The following CCNY variants were observed in gnomAD, a reference collection of about 807,000 sequenced individuals.
CCNY encodes the protein cyclin Y, also known as cyclin-Y.
A neutral mutation model predicts 42.8 loss-of-function variants in CCNY; 19 were observed. That is an observed-to-expected ratio of 0.44 (90% confidence interval 0.31 to 0.65). The LOEUF (loss-of-function observed/expected upper bound fraction) is 0.65. Among genes scored for constraint, CCNY ranks in the 30% least tolerant of loss-of-function variants. The probability of loss-of-function intolerance (pLI) is 0.07; values close to 1 mark genes in which losing one functional copy is unlikely to be tolerated. For synonymous variants in CCNY, 165 were observed against 162.7 expected, an observed-to-expected ratio of 1.01 and a Z score of -0.11; for missense variants, 370 against 437.3, an observed-to-expected ratio of 0.85 and a Z score of 1.37.
intron 3 of CCNY, among the ~76,000 whole-genome samples, chr10:35,330,847 C>A (rs1835935513): frequency 6.6e-6 from 1 of 151,938 alleles, no homozygotes; most frequent in South Asian, 2.1e-4. Context: ...ACCTCCACCT[C>A]CTGGGTTCAA....
chr10:35,452,770 T>TAAAAAAAAA (rs35849411), intron 1 of CCNY, among the ~76,000 whole-genome samples: 2 of 115,902 alleles, frequency 1.7e-5, no homozygotes, highest in African/African-American at 3.1e-5. Flanking sequence ...TATAGAAAAG[T>TAAAAAAAAA]AAAAAAAAAA....
chr10:35,416,622 A>T (rs574808320), intron 1 of CCNY, among the ~76,000 whole-genome samples: 18 of 152,256 alleles, frequency 1.2e-4, no homozygotes, highest in African/African-American at 3.9e-4. Flanking sequence ...AGAACAAAAG[A>T]TTTCCTGTTG....
At chr10:35,544,203 C>A (rs1403794367) in intron 7 of CCNY, among the ~76,000 whole-genome samples, 1 of 152,200 alleles carries the variant, frequency 6.6e-6, no homozygotes. Flanking sequence ...TCACTCACCA[C>A]TCACTCACTT....
chr10:35,340,488 T>C (rs1441533848), intron 1 of CCNY, among the ~76,000 whole-genome samples: 1 of 151,798 alleles, frequency 6.6e-6, no homozygotes, highest in African/African-American at 2.4e-5. Flanking sequence ...TTAAAATGGT[T>C]GATGGCAACT....
chr10:35,332,687 C>T (rs969473669), upstream of CCNY, among the ~76,000 whole-genome samples: 8 of 152,286 alleles, frequency 5.3e-5, no homozygotes, highest in South Asian at 1.7e-3. Flanking sequence ...TCACTGCAAC[C>T]TCCACCTCCC....
At chr10:35,427,557 T>G (rs1838297127) in intron 1 of CCNY, among the ~76,000 whole-genome samples, 1 of 152,246 alleles carries the variant, frequency 6.6e-6, no homozygotes, top group African/African-American at 2.4e-5. Flanking sequence ...ATGTGACACC[T>G]AAGTGCTCCA....
intron 3 of CCNY, among the ~76,000 whole-genome samples, chr10:35,254,575 G>A (rs1051743784): frequency 6.6e-6 from 1 of 152,164 alleles, no homozygotes; most frequent in East Asian, 1.9e-4. Flanking sequence ...ACTCATGCCT[G>A]TAGTCTCAGC....
Position 35,377,454 on chromosome 10 carries a change from A to G in CCNY, c.154+40247A>G, listed in dbSNP as rs187150739. Among the ~76,000 whole-genome samples the G allele has an allele frequency of 2.5e-3, 385 of 152,348 alleles. 4 individuals carry two copies. The Middle Eastern group carries it at 0.031, about 12-fold the overall frequency. The stretch of plus-strand genomic sequence containing the variant: ...AACATGTTGTACAGATTTGTAGCCT[A>G]TGAACAACCGGCTGTCCTATATAAC... On this transcript the variant is annotated intron_variant, in intron 1 of 9. Coordinates refer to ENST00000374704, the MANE Select transcript of CCNY (RefSeq NM_145012.6).
At chr10:35,510,547 TAACA>T (rs929609211) in intron 3 of CCNY, among the ~76,000 whole-genome samples, 1 of 152,180 alleles carries the variant, frequency 6.6e-6, no homozygotes, top group Non-Finnish European at 1.5e-5. Flanking sequence ...TTTTTGATCC[TAACA>T]AACCTTTCTA....
At chr10:35,485,666 A>C (rs966408689) in intron 2 of CCNY, among the ~76,000 whole-genome samples, 5 of 148,360 alleles carry the variant, frequency 3.4e-5, no homozygotes, top group African/African-American at 7.5e-5. Context: ...TGGAGCTTGC[A>C]GTGAGCCGAG....
intron 1 of CCNY, among the ~76,000 whole-genome samples, chr10:35,450,718 T>C (rs1324196489): frequency 6.6e-6 from 1 of 152,158 alleles, no homozygotes; most frequent in Non-Finnish European, 1.5e-5. Flanking sequence ...TCTTTCTCTT[T>C]TACCTTTTGT....
intron 4 of CCNY, among the ~76,000 whole-genome samples, chr10:35,521,460 C>G (rs538342410): frequency 5.6e-4 from 85 of 152,308 alleles, no homozygotes; most frequent in African/African-American, 2.0e-3. Flanking sequence ...GTTAATTGAT[C>G]TGGTTAGCCA....
At chr10:35,370,353 G>A (rs1334383917) in intron 1 of CCNY, among the ~76,000 whole-genome samples, 5 of 151,700 alleles carry the variant, frequency 3.3e-5, no homozygotes, top group African/African-American at 9.7e-5. Context: ...GGGTTTCACC[G>A]TGTTAGCCAG....
chr10:35,494,236 C>CA (rs1554794882), intron 2 of CCNY, among the ~76,000 whole-genome samples: 6 of 131,162 alleles, frequency 4.6e-5, no homozygotes, highest in African/African-American at 9.3e-5. Context: ...ATAGTGAGAC[C>CA]CCCCCCCCCA....
At chr10:35,514,587 C>T (rs1840391416) in intron 3 of CCNY, among the ~76,000 whole-genome samples, 1 of 152,200 alleles carries the variant, frequency 6.6e-6, no homozygotes, top group Non-Finnish European at 1.5e-5. Flanking sequence ...TCCCATGACC[C>T]CGTGCATCAC....
At chr10:35,393,540 A>G (rs534250981) in intron 1 of CCNY, among the ~76,000 whole-genome samples, 1 of 152,302 alleles carries the variant, frequency 6.6e-6, no homozygotes. Context: ...CTTTGCGTGA[A>G]GGCTGGTGTT....
chr10:35,474,523 T>C (rs1303700760), intron 1 of CCNY, among the ~76,000 whole-genome samples: 2 of 152,036 alleles, frequency 1.3e-5, no homozygotes, highest in African/African-American at 2.4e-5. Flanking sequence ...GGAGGCACCC[T>C]CCAGCAGGGG....
intron 3 of CCNY, among the ~76,000 whole-genome samples, chr10:35,509,248 T>C (rs1840273358): frequency 6.6e-6 from 1 of 152,176 alleles, no homozygotes; most frequent in Non-Finnish European, 1.5e-5. Context: ...CTGTAAATAA[T>C]TGATCCTGCT....
chr10:35,428,884 C>T (rs1460288363), intron 1 of CCNY, among the ~76,000 whole-genome samples: 2 of 152,104 alleles, frequency 1.3e-5, no homozygotes, highest in Non-Finnish European at 2.9e-5. Context: ...GGGAAAGTAC[C>T]CTGAACCCAC....
Sources: gnomAD v4.1 joint callset for allele counts (sites outside exome capture counted in the v4.1 genomes callset) on GRCh38, gnomAD v4.1.1 for gene constraint, MANE v1.5 for transcripts, NCBI Gene and HGNC (gene_info 2026-07-23, HGNC 2026-07-21) for gene names.